The following DNAAF3 variants were observed in gnomAD, a reference collection of about 807,000 sequenced individuals.
The protein encoded by DNAAF3 is UPF0470 protein C19orf51.
A neutral mutation model predicts 50.9 loss-of-function variants in DNAAF3; 40 were observed. The ratio of observed to expected loss-of-function variants is 0.79; its 90% CI spans 0.61 to 1.02. The LOEUF is 1.02. DNAAF3 is among the 50% of genes least tolerant of loss of function. DNAAF3 has a pLI of 0.00. For synonymous variants in DNAAF3, 327 were observed against 322.8 expected (o/e 1.01, Z -0.14); for missense variants, 763 against 744.7 (o/e 1.02, Z -0.29).
rs1166821702 is a variant in DNAAF3 at position 55,166,392 on chromosome 19, C to T, written c.22G>A (p.Gly8Ser). The change falls in exon 2 of 12, where the codon GGC becomes AGC. Residue 8 changes from glycine to serine, a missense_variant. By Grantham distance (56) the Gly-to-Ser change is moderately conservative. Coordinates refer to ENST00000524407, the MANE Select transcript of DNAAF3 (RefSeq NM_001256715.2). This position sits in a 1 kb window ranked among gnomAD's most constrained non-coding sequence, Gnocchi z 4.0. MTTPAGS[G>S]SGFGSVSWWG... ...CAGGACACGGAGCCGAAGCCGCTGC[C>T]GGAGCCGGCAGGTGTGGTCATCACC... 1.2e-6 allele frequency: 2 copies of T among 1,613,866 alleles called. No homozygotes were observed. Among genetic ancestry groups the T allele is most frequent in the Middle Eastern group, 1.6e-4 (1 of 6,062 alleles).
chr19:55,165,653 G>T, intron 3 of DNAAF3, 190 bp from the exon 4 acceptor site: 1 of 972,648 alleles, frequency 1.0e-6, no homozygotes, highest in South Asian at 1.7e-5. Flanking sequence ...CCTCATCCTC[G>T]AGCTCTTCCC....
rs1386080120 is a variant in DNAAF3 at position 55,159,400 on chromosome 19, C to G, written c.1288G>C (p.Val430Leu). ...CCAGCTGCCTGAGCTAGCTCCCTGA[C>G]CCGGGTGTTGAATCCCTGCAGCTGC... ...QEQLQGFNTR[V>L]RELAQAAGFA... is the part of the protein sequence containing the mutation. The change falls in exon 12 of 12, where the codon GTC (valine) becomes CTC (leucine). Residue 430 changes from valine to leucine, a missense_variant. Physicochemically the swap from Val to Leu is conservative, Grantham distance 32. Coordinates refer to ENST00000524407, the MANE Select transcript of DNAAF3 (RefSeq NM_001256715.2). 2 of 1,614,170 alleles carry G rather than the reference C, an allele frequency of 1.2e-6. No individual in the cohort carries two copies. Among genetic ancestry groups the G allele is most frequent in the Non-Finnish European group, 1.7e-6 (2 of 1,180,028 alleles).
In DNAAF3 at chr19:55,166,477, C is replaced by T. The variant is rs767634766; in HGVS notation, c.-5+46G>A. ...GCCCGCCCCGCTCCCCTCTCACCGC[C>T]CCTCACTTCTCGCCCCTTTGCCTCC... On this transcript the variant is annotated intron_variant, in intron 1 of 11. Coordinates refer to ENST00000524407, the MANE Select transcript of DNAAF3 (RefSeq NM_001256715.2). This position sits in a 1 kb window ranked among gnomAD's most constrained non-coding sequence, Gnocchi z 4.0. 6.2e-7 allele frequency: 1 copy of T among 1,613,564 alleles called. No homozygotes were observed. Among genetic ancestry groups the T allele is most frequent in the Non-Finnish European group, 8.5e-7 (1 of 1,179,588 alleles).
chr19:55,162,092 C>T, intron 5 of DNAAF3, 41 bp downstream of exon 5: 2 of 1,240,038 alleles, frequency 1.6e-6, no homozygotes, highest in Non-Finnish European at 2.0e-6. Flanking sequence ...TCCATTATTC[C>T]CGCGGCCACC....
intron 4 of DNAAF3, among the ~76,000 whole-genome samples, chr19:55,165,021 C>CTTTT (rs1164581047): frequency 8.3e-5 from 7 of 84,572 alleles, no homozygotes; most frequent in Non-Finnish European, 1.3e-4. Flanking sequence ...GTTTCGCTCT[C>CTTTT]TTTTTTTTTT....
At position 55,160,624 on chromosome 19, in the gene DNAAF3, G is replaced by C; in HGVS notation, c.1048+16C>G. On this transcript the variant is annotated intron_variant, in intron 9 of 11. Coordinates refer to ENST00000524407, the MANE Select transcript of DNAAF3 (RefSeq NM_001256715.2). This position sits in a 1 kb window ranked among gnomAD's most constrained non-coding sequence, Gnocchi z 4.7. ...GGCTGGAGTCCCTGGCTTACCTGTT[G>C]TTGTCCCTGGCTTACCTGGAGTCCC... is the stretch of plus-strand genomic sequence containing the variant. 6.8e-7 allele frequency: 1 copy of C among 1,468,344 alleles called. No homozygotes were observed. The allele number at this position is 1,468,344 out of a possible 1,614,324, so 91.0% of individuals were successfully genotyped here.
In DNAAF3 at chr19:55,161,634, G is replaced by GC. The variant is rs1464689113; in HGVS notation, c.663+8dup. ...TCCAGGCCCCCAGCCCCTCTCCTGG[G>GC]CCCCTCACCCCGCGGTCATGCAGCT... On this transcript the variant is annotated intron_variant, in intron 6 of 11. Coordinates refer to ENST00000524407, the MANE Select transcript of DNAAF3 (RefSeq NM_001256715.2). The surrounding 1 kb of genome is among the most constrained non-coding windows in gnomAD (Gnocchi z 6.4). The GC allele has an allele frequency of 1.3e-6, 2 of 1,532,022 alleles. No individual in the cohort carries two copies. Among genetic ancestry groups the GC allele is most frequent in the South Asian group, 2.4e-5 (2 of 83,488 alleles). The allele number at this position is 1,532,022 out of a possible 1,614,324, so 94.9% of individuals were successfully genotyped here.
At position 55,161,131 on chromosome 19, in the gene DNAAF3, G is replaced by T. The variant is rs1416078880; in HGVS notation, c.846C>A (p.Phe282Leu). The change falls in exon 8 of 12, where the codon TTC becomes TTA. Residue 282 changes from phenylalanine to leucine, a missense_variant. Coordinates refer to ENST00000524407, the MANE Select transcript of DNAAF3 (RefSeq NM_001256715.2). This position sits in a 1 kb window ranked among gnomAD's most constrained non-coding sequence, Gnocchi z 6.4. ...CGTCCGCTTCGATGCCGAAGGCCAC[G>T]AAGGGCCCCGTGGCGATGTCCCCCC... is the stretch of plus-strand genomic sequence containing the variant. ...GYWGDIATGP[F>L]VAFGIEADDE... 6.5e-6 allele frequency: 10 copies of T among 1,549,430 alleles called. No individual in the cohort carries two copies. Among genetic ancestry groups the T allele is most frequent in the Non-Finnish European group, 8.7e-6 (10 of 1,148,042 alleles).
Position 55,166,490 on chromosome 19 carries a change from C to A in DNAAF3, c.-5+33G>T, listed in dbSNP as rs925142793. ...CCCTCTCACCGCCCCTCACTTCTCG[C>A]CCCTTTGCCTCCACATGATACCTTG... On this transcript the variant is annotated intron_variant, in intron 1 of 11. Transcript: ENST00000524407. The surrounding 1 kb of genome is among the most constrained non-coding windows in gnomAD (Gnocchi z 4.0). 3 of 1,613,736 alleles carry A rather than the reference C, an allele frequency of 1.9e-6. No individual in the cohort carries two copies. Among genetic ancestry groups the A allele is most frequent in the South Asian group, 1.1e-5 (1 of 91,026 alleles).
At chr19:55,162,454 G>A in intron 4 of DNAAF3, 164 bp from the exon 5 acceptor site, 1 of 932,796 alleles carries the variant, frequency 1.1e-6, no homozygotes, top group Non-Finnish European at 1.4e-6. Flanking sequence ...GGACATGGTG[G>A]CGGGCGCCTG....
intron 3 of DNAAF3, 73 bp from the exon 4 acceptor site, chr19:55,165,536 C>G: frequency 7.0e-7 from 1 of 1,430,768 alleles, no homozygotes; most frequent in Non-Finnish European, 9.8e-7. Flanking sequence ...GGAGAGCAGG[C>G]CCTCAGCTCT....
In DNAAF3 at chr19:55,160,305, C is replaced by T. The variant is rs1386587363; in HGVS notation, c.1049-292G>A. 1.3e-5 allele frequency among the ~76,000 whole-genome samples: 2 copies of T among 152,024 alleles called. No individual in the cohort carries two copies. Among genetic ancestry groups the T allele is most frequent in the South Asian group, 2.1e-4 (1 of 4,816 alleles). On this transcript the variant is annotated intron_variant, in intron 9 of 11. Coordinates refer to ENST00000524407, the MANE Select transcript of DNAAF3 (RefSeq NM_001256715.2). The surrounding 1 kb of genome is among the most constrained non-coding windows in gnomAD (Gnocchi z 4.7). ...TGTGACATGCCCTGTCAGACAGACA[C>T]GCAGGGAGGGCCAGGTTGGAGGATG...
rs74380007 is a variant in DNAAF3 at position 55,161,233 on chromosome 19, C to A, written c.790-46G>T. The A allele has an allele frequency of 0.051, 81,028 of 1,591,870 alleles. 6,341 individuals are homozygous for A. Among genetic ancestry groups the A allele is most frequent in the Admixed American group, 0.32 (18,683 of 58,042 alleles). On this transcript the variant is annotated intron_variant, in intron 7 of 11. Coordinates refer to ENST00000524407, the MANE Select transcript of DNAAF3 (RefSeq NM_001256715.2). The surrounding 1 kb of genome is among the most constrained non-coding windows in gnomAD (Gnocchi z 6.4). ...GAGGCAGGTGAGGTCGATGTTGGGG[C>A]CCCTGACTCCTAGGACTCCGAGCAG...
chr19:55,166,109 C>G lies in DNAAF3; in HGVS notation c.86-109G>C, dbSNP rs141887705. 23 of 1,586,894 alleles carry G rather than the reference C, an allele frequency of 1.4e-5. No homozygotes were observed. The highest frequency in any genetic ancestry group is 6.9e-6 in the Non-Finnish European group (8 of 1,166,592). ...ATCCCAGTAGGCGTTCCGCCCGTGG[C>G]CTAGGTTCTAAGGGGAGGTGTTTCC... On this transcript the variant is annotated intron_variant, in intron 2 of 11. Coordinates refer to ENST00000524407, the MANE Select transcript of DNAAF3 (RefSeq NM_001256715.2). The surrounding 1 kb of genome is among the most constrained non-coding windows in gnomAD (Gnocchi z 4.0).
rs764412803 is a variant in DNAAF3 at position 55,159,566 on chromosome 19, G to A, written c.1205C>T (p.Ala402Val). 8 of 1,605,744 alleles carry A rather than the reference G, an allele frequency of 5.0e-6. No individual in the cohort carries two copies. The highest frequency in any genetic ancestry group is 1.7e-4 in the Middle Eastern group (1 of 6,038). The change falls in exon 11 of 12, where the codon GCA becomes GTA. Residue 402 changes from alanine (A) to valine (V), a missense_variant. Ala to Val is a moderately conservative substitution (Grantham distance 64). Transcript: ENST00000524407. ...TTCCACAATCAAGTTCCCTCCGGGT[G>A]CCACACAGGCCCCAAGCTCAGGGAT... ...LLIPELGACV[A>V]PGGNLIVELA...
Position 55,165,951 on chromosome 19 carries a change from G to C in DNAAF3, c.135C>G (p.Pro45=). 1 of 1,614,224 alleles carries C rather than the reference G, an allele frequency of 6.2e-7. No homozygotes were observed. Among genetic ancestry groups the C allele is most frequent in the Non-Finnish European group, 8.5e-7 (1 of 1,180,054 alleles). ...AGCCCAGAAGCAGCACATCTAGCTCGGGGTTGCTGTGCACTGTATCGGCCT... is the reference window on the plus strand; with the variant it reads ...AGCCCAGAAGCAGCACATCTAGCTCCGGGTTGCTGTGCACTGTATCGGCCT... The part of the protein sequence containing the change: ...DSQADTVHSN[P]ELDVLLLGSV... The change falls in exon 3 of 12, where the codon CCC becomes CCG. Residue 45 remains proline, a synonymous_variant. Transcript: ENST00000524407.
Position 55,161,783 on chromosome 19 carries a change from C to A in DNAAF3, c.523G>T (p.Ala175Ser). Residue 175 changes from alanine to serine, a missense_variant, in exon 6 of 12, where the codon GCT becomes TCT. Coordinates refer to ENST00000524407, the MANE Select transcript of DNAAF3 (RefSeq NM_001256715.2). This position sits in a 1 kb window ranked among gnomAD's most constrained non-coding sequence, Gnocchi z 6.4. Reference protein sequence around the residue: ...DALEAVFRFWAGGEKGPQAFP... With the variant: ...DALEAVFRFWSGGEKGPQAFP... ...GCCTGGGGCCCTTTCTCGCCGCCAG[C>A]CCAGAAGCGGAATACGGCCTCCAGG... 6.7e-7 allele frequency: 1 copy of A among 1,494,636 alleles called. No individual in the cohort carries two copies. The highest frequency in any genetic ancestry group is 1.3e-5 in the South Asian group (1 of 77,740). The allele number at this position is 1,494,636 out of a possible 1,614,324, so 92.6% of individuals were successfully genotyped here.
At position 55,162,085 on chromosome 19, in the gene DNAAF3, A is replaced by G. The variant is rs1236046488; in HGVS notation, c.480+48T>C. ...CACGTCCTTTGGACTGTGCGCTTCCATTATTCCCGCGGCCACCCGATCCCA... is the reference window on the plus strand; with the variant it reads ...CACGTCCTTTGGACTGTGCGCTTCCGTTATTCCCGCGGCCACCCGATCCCA... On this transcript the variant is annotated intron_variant, in intron 5 of 11. Transcript: ENST00000524407. The G allele has an allele frequency of 4.8e-6, 6 of 1,241,054 alleles. No homozygotes were observed. The Admixed American group carries it at 2.1e-4, about 43-fold the overall frequency. 76.9% of individuals were successfully genotyped at this position (1,241,054 alleles called of 1,614,324 possible).
At chr19:55,162,361 T>G (rs1164187702) in intron 4 of DNAAF3, 71 bp from the exon 5 acceptor site, 2 of 1,235,308 alleles carry the variant, frequency 1.6e-6, no homozygotes, top group Non-Finnish European at 2.0e-6. Context: ...CTTAATATGT[T>G]ATTATGTCAT....
Sources: gnomAD v4.1 joint callset for allele counts (sites outside exome capture counted in the v4.1 genomes callset) on GRCh38, gnomAD v4.1.1 for gene constraint, Gnocchi (gnomAD v3.1) non-coding constraint, MANE v1.5 for transcripts, NCBI Gene and HGNC (gene_info 2026-07-23, HGNC 2026-07-21) for gene names.